USP3: variants seen among roughly 807,000 people sequenced by gnomAD.
The protein encoded by USP3 is ubiquitin specific peptidase 3.
In USP3, 20 loss-of-function variants were observed where a neutral mutation model predicts 72.3. The ratio of observed to expected loss-of-function variants is 0.28; its 90% CI spans 0.19 to 0.40. The LOEUF (loss-of-function observed/expected upper bound fraction) is 0.40. Among genes scored for constraint, USP3 ranks in the 10% least tolerant of loss-of-function variants. USP3 has a pLI of 1.00. For synonymous variants in USP3, 222 were observed against 225.3 expected, an observed-to-expected ratio of 0.99 and a Z score of 0.13; for missense variants, 479 against 633.9, an observed-to-expected ratio of 0.76 and a Z score of 2.62.
At chr15:63,532,437 A>G in intron 1 of USP3, 1 of 607,892 alleles carries the variant, frequency 1.6e-6, no homozygotes, top group South Asian at 2.0e-5. Context: ...AGCAATTAAA[A>G]TGAGCCGCTG....
At chr15:63,505,392 C>G (rs549480503) in intron 1 of USP3, among the ~76,000 whole-genome samples, 1 of 152,182 alleles carries the variant, frequency 6.6e-6, no homozygotes, top group Non-Finnish European at 1.5e-5. Flanking sequence ...CTCGAAACCC[C>G]GAGAGGCGCT....
At chr15:63,587,138 A>G (rs1276909428) in intron 11 of USP3, among the ~76,000 whole-genome samples, 2 of 152,144 alleles carry the variant, frequency 1.3e-5, no homozygotes, top group Non-Finnish European at 2.9e-5. Flanking sequence ...TACATGTTCT[A>G]TAAAGACAAA....
At chr15:63,531,258 A>C (rs1429012299) in intron 1 of USP3, among the ~76,000 whole-genome samples, 1 of 152,246 alleles carries the variant, frequency 6.6e-6, no homozygotes, top group Non-Finnish European at 1.5e-5. Flanking sequence ...GGGAACCAGT[A>C]GTAAGATGGT....
chr15:63,518,558 CTT>C (rs1233058766), intron 1 of USP3, among the ~76,000 whole-genome samples: 5 of 152,080 alleles, frequency 3.3e-5, no homozygotes, highest in Non-Finnish European at 4.4e-5. Flanking sequence ...TTTAAAAAGA[CTT>C]TTGATTTTGA....
chr15:63,558,751 T>C (rs1184238926), intron 6 of USP3, among the ~76,000 whole-genome samples: 5 of 152,102 alleles, frequency 3.3e-5, no homozygotes, highest in African/African-American at 9.7e-5. Flanking sequence ...GGCATGCGCC[T>C]CTAGTCCCAG....
In USP3 at chr15:63,588,802, G is replaced by C. The variant is rs1191383068; in HGVS notation, c.1316G>C (p.Cys439Ser). 1 of 1,613,874 alleles carries C rather than the reference G, an allele frequency of 6.2e-7. No individual in the cohort carries two copies. Among genetic ancestry groups the C allele is most frequent in the Admixed American group, 1.7e-5 (1 of 60,008 alleles). The change falls in exon 13 of 15, where the codon TGC becomes TCC. Residue 439 changes from cysteine (C) to serine (S), a missense_variant. By Grantham distance (112) the Cys-to-Ser change is moderately radical (BLOSUM62 -1). Transcript: ENST00000380324. This position sits in a 1 kb window ranked among gnomAD's most constrained non-coding sequence, Gnocchi z 4.6. Reference sequence around the variant, plus strand: ...CCACTGAGAGGCCTAGACATGAAATGCTACTTACTAGAGGTAAGGTGGTTA... The same window carrying C: ...CCACTGAGAGGCCTAGACATGAAATCCTACTTACTAGAGGTAAGGTGGTTA... ...EFPLRGLDMK[C>S]YLLEPENSGP...
chr15:63,538,121 G>T (rs78562457), intron 3 of USP3, among the ~76,000 whole-genome samples: 3,624 of 152,036 alleles, frequency 0.024, 131 homozygotes, highest in African/African-American at 0.082. Flanking sequence ...TTAGAACTAG[G>T]TTATTTAGGT....
chr15:63,557,960 T>G, intron 5 of USP3, 146 bp from the exon 6 acceptor site: 1 of 689,290 alleles, frequency 1.5e-6, no homozygotes, highest in South Asian at 1.8e-5. Flanking sequence ...GACTAGAGAG[T>G]TTGTTTGAAA....
chr15:63,511,774 GAATTCTT>G (rs1314741777), intron 1 of USP3, among the ~76,000 whole-genome samples: 1 of 152,072 alleles, frequency 6.6e-6, no homozygotes, highest in Non-Finnish European at 1.5e-5. Context: ...AGGAAGGAGA[GAATTCTT>G]AAGGTATAGA....
At chr15:63,551,401 A>G (rs1464447919) in intron 3 of USP3, 4 of 151,678 alleles carry the variant, frequency 2.6e-5, no homozygotes, top group Non-Finnish European at 5.9e-5. Context: ...AAATTTAATT[A>G]TAAAATAATT....
chr15:63,527,449 G>T (rs907331549), intron 1 of USP3, among the ~76,000 whole-genome samples: 1 of 152,224 alleles, frequency 6.6e-6, no homozygotes, highest in Non-Finnish European at 1.5e-5. Flanking sequence ...TCAGTGCCAT[G>T]TGCTTAAACT....
At chr15:63,581,412 C>G (rs1271799050) in intron 11 of USP3, among the ~76,000 whole-genome samples, 3 of 146,034 alleles carry the variant, frequency 2.1e-5, no homozygotes, top group Non-Finnish European at 4.5e-5. Flanking sequence ...TAGATGGAGT[C>G]TTGCTCTGTT....
At position 63,591,101 on chromosome 15, in the gene USP3, T is replaced by G. The variant is rs1484398008; in HGVS notation, c.*275T>G. The G allele has an allele frequency of 6.4e-6, 2 of 310,632 alleles. No individual in the cohort carries two copies. The highest frequency in any genetic ancestry group is 1.3e-4 in the East Asian group (2 of 15,080). 19.2% of individuals were successfully genotyped at this position (310,632 alleles called of 1,614,324 possible). A position where few individuals can be genotyped will look rare whatever the true frequency, so the allele number is the denominator to read the frequency against. ...AGAACTTAGTCTTATTTGACTTTTT[T>G]ATTTTATGTTAATGTTTTCAGTTCT... On this transcript the variant is annotated 3_prime_UTR_variant, in exon 15 of 15. Transcript: ENST00000380324.
At chr15:63,557,303 C>T (rs1031413434) in intron 5 of USP3, among the ~76,000 whole-genome samples, 1 of 151,584 alleles carries the variant, frequency 6.6e-6, no homozygotes, top group Non-Finnish European at 1.5e-5. Flanking sequence ...CACTCTGTCA[C>T]CCAGGCTGGA....
At chr15:63,575,544 G>A (rs956510602) in intron 11 of USP3, among the ~76,000 whole-genome samples, 1 of 152,158 alleles carries the variant, frequency 6.6e-6, no homozygotes, top group African/African-American at 2.4e-5. Flanking sequence ...ACTCCAGTAA[G>A]GAACCAGAGC....
At chr15:63,523,349 C>A (rs747058560) in intron 1 of USP3, among the ~76,000 whole-genome samples, 1 of 151,994 alleles carries the variant, frequency 6.6e-6, no homozygotes, top group Non-Finnish European at 1.5e-5. Context: ...GGCTCTGGAA[C>A]GAACTTAGCG....
intron 11 of USP3, chr15:63,586,816 G>A (rs1334596428): frequency 6.6e-6 from 1 of 152,240 alleles, no homozygotes; most frequent in Non-Finnish European, 1.5e-5. Context: ...GTCCACTGGA[G>A]GTTGAGAAAG....
intron 1 of USP3, among the ~76,000 whole-genome samples, chr15:63,511,657 TA>T (rs2065784219): frequency 6.6e-6 from 1 of 152,232 alleles, no homozygotes; most frequent in Non-Finnish European, 1.5e-5. Flanking sequence ...AGCTTTTGGT[TA>T]TTTTTAAAAT....
At chr15:63,565,452 T>C (rs543127326) in intron 8 of USP3, among the ~76,000 whole-genome samples, 5 of 152,340 alleles carry the variant, frequency 3.3e-5, no homozygotes, top group African/African-American at 7.2e-5. Flanking sequence ...AAAAATACTT[T>C]AAAGTGTATT....
Sources: gnomAD v4.1 joint callset for allele counts (sites outside exome capture counted in the v4.1 genomes callset) on GRCh38, gnomAD v4.1.1 for gene constraint, Gnocchi (gnomAD v3.1) non-coding constraint, MANE v1.5 for transcripts, NCBI Gene and HGNC (gene_info 2026-07-23, HGNC 2026-07-21) for gene names.